The following CTNNA3 variants were observed in gnomAD, a reference collection of about 807,000 sequenced individuals.
The protein encoded by CTNNA3 is catenin alpha-3.
Under a neutral mutation model 95.7 loss-of-function variants are expected in CTNNA3, and 76 were observed. That is an observed-to-expected ratio of 0.79 (90% CI 0.66 to 0.96). The LOEUF (loss-of-function observed/expected upper bound fraction) is 0.96. Ranked by LOEUF, CTNNA3 falls within the 40% of genes least tolerant of loss-of-function variation. The pLI, the probability that CTNNA3 is intolerant of heterozygous loss-of-function variation, is 0.00. For synonymous variants in CTNNA3, 431 were observed against 374.4 expected (o/e 1.15, Z -1.74); for missense variants, 1,191 against 1,089.8 (o/e 1.09, Z -1.31).
At chr10:66,532,417 G>C (rs10997221) in intron 10 of CTNNA3, among the ~76,000 whole-genome samples, 21 of 151,386 alleles carry the variant, frequency 1.4e-4, no homozygotes, top group South Asian at 1.3e-3. Flanking sequence ...AGCTGAGATC[G>C]CGCCACTGTA....
At chr10:67,180,636 G>GT (rs1862492622) in intron 6 of CTNNA3, 116 bp from the exon 7 acceptor site, 1 of 788,180 alleles carries the variant, frequency 1.3e-6, no homozygotes. Context: ...AGAGAACTGT[G>GT]TTTTACTGCC....
chr10:66,243,996 C>T (rs1480501557), intron 13 of CTNNA3, among the ~76,000 whole-genome samples: 2 of 152,064 alleles, frequency 1.3e-5, no homozygotes, highest in African/African-American at 4.8e-5. Flanking sequence ...TCTGGACCTG[C>T]CCTGGACCAG....
At chr10:67,092,243 C>T (rs1410820187) in intron 7 of CTNNA3, among the ~76,000 whole-genome samples, 1 of 151,742 alleles carries the variant, frequency 6.6e-6, no homozygotes, top group Non-Finnish European at 1.5e-5. Flanking sequence ...TTCAGCCTTA[C>T]AAAAATGGGA....
At chr10:67,253,957 C>G (rs1244788722) in intron 5 of CTNNA3, among the ~76,000 whole-genome samples, 1 of 152,140 alleles carries the variant, frequency 6.6e-6, no homozygotes, top group Non-Finnish European at 1.5e-5. Flanking sequence ...TGTGTGTCCA[C>G]TATATAAACG....
intron 3 of CTNNA3, among the ~76,000 whole-genome samples, chr10:67,556,916 A>G (rs1589421893): frequency 6.6e-6 from 1 of 152,164 alleles, no homozygotes; most frequent in African/African-American, 2.4e-5. Context: ...CCCCCTACAC[A>G]CTGCTTTAAA....
Position 67,605,155 on chromosome 10 carries a change from T to A in CTNNA3, c.292+1702A>T, listed in dbSNP as rs1390226196. 3.9e-5 allele frequency among the ~76,000 whole-genome samples: 6 copies of A among 152,202 alleles called. No individual in the cohort carries two copies. In the South Asian group the frequency reaches 8.3e-4, roughly 21 times the overall value. On this transcript the variant is annotated intron_variant, in intron 3 of 17. Transcript: ENST00000433211. ...AACAACCTAAGCATCCATCAACAGA[T>A]GAATCGATAAAGAAATTGGTCTATA...
At chr10:66,517,326 C>G (rs1840897447) in intron 11 of CTNNA3, among the ~76,000 whole-genome samples, 1 of 152,118 alleles carries the variant, frequency 6.6e-6, no homozygotes, top group Non-Finnish European at 1.5e-5. Context: ...TTGAAACCTA[C>G]TGGGCTGCAT....
intron 2 of CTNNA3, among the ~76,000 whole-genome samples, chr10:67,625,703 A>T (rs1838927040): frequency 6.6e-6 from 1 of 152,170 alleles, no homozygotes; most frequent in African/African-American, 2.4e-5. Context: ...AAGGAAACTT[A>T]AAATCCTGTA....
chr10:66,809,668 G>A (rs773128967), intron 7 of CTNNA3, among the ~76,000 whole-genome samples: 33 of 152,110 alleles, frequency 2.2e-4, no homozygotes, highest in Non-Finnish European at 4.4e-4. Flanking sequence ...CTTGATTTGT[G>A]TCTTATATTA....
intron 6 of CTNNA3, among the ~76,000 whole-genome samples, chr10:67,214,146 A>C: frequency 6.6e-6 from 1 of 151,522 alleles, no homozygotes; most frequent in East Asian, 1.9e-4. Flanking sequence ...GATTATTTGG[A>C]TTTATTTTAT....
chr10:66,027,191 T>A (rs576295517), intron 15 of CTNNA3, among the ~76,000 whole-genome samples: 1 of 152,210 alleles, frequency 6.6e-6, no homozygotes, highest in Admixed American at 6.5e-5. Context: ...TTACTTATGT[T>A]CTTGCAGTTT....
At chr10:67,735,140 C>CACACAA (rs199680761) in intron 1 of CTNNA3, among the ~76,000 whole-genome samples, 2 of 115,160 alleles carry the variant, frequency 1.7e-5, no homozygotes, top group Non-Finnish European at 1.8e-5. Context: ...CACACACACA[C>CACACAA]ACACAAACAC....
Position 67,201,469 on chromosome 10 carries a change from T to A in CTNNA3, c.843+18138A>T, listed in dbSNP as rs538866669. Among the ~76,000 whole-genome samples the A allele has an allele frequency of 2.0e-3, 301 of 152,162 alleles. 1 individual carries two copies. The highest frequency in any genetic ancestry group is 6.8e-3 in the African/African-American group (283 of 41,514). The stretch of plus-strand genomic sequence containing the variant: ...TGTCTATTCTTTTTTTTTTATTATT[T>A]TTTTATTATTATACTTTAAGTTTTA... On this transcript the variant is annotated intron_variant, in intron 6 of 17. Coordinates refer to ENST00000433211, the MANE Select transcript of CTNNA3 (RefSeq NM_013266.4).
chr10:66,487,287 C>T (rs372716612), intron 11 of CTNNA3, among the ~76,000 whole-genome samples: 1 of 148,082 alleles, frequency 6.8e-6, no homozygotes, highest in African/African-American at 2.5e-5. Context: ...CTGCAAGCTC[C>T]GCCTCCCGGG....
At chr10:67,246,366 C>A (rs890231162) in intron 5 of CTNNA3, among the ~76,000 whole-genome samples, 1 of 152,144 alleles carries the variant, frequency 6.6e-6, no homozygotes, top group Non-Finnish European at 1.5e-5. Flanking sequence ...ACTAAATACT[C>A]TTTTTTTCCT....
chr10:66,340,465 C>G (rs1224916427), intron 12 of CTNNA3, among the ~76,000 whole-genome samples: 1 of 151,708 alleles, frequency 6.6e-6, no homozygotes, highest in East Asian at 1.9e-4. Context: ...CTCCACTAGA[C>G]AGATAGTATA....
In CTNNA3 at chr10:66,860,518, T is replaced by C. The variant is rs115987192; in HGVS notation, c.1048-84994A>G. Reference sequence around the variant, plus strand: ...ACAGTCGGCAGAAGTAATGGGGGTATTAAAATGCTAGCAGCAGTCTCCCTC... The same window carrying C: ...ACAGTCGGCAGAAGTAATGGGGGTACTAAAATGCTAGCAGCAGTCTCCCTC... On this transcript the variant is annotated intron_variant, in intron 7 of 17. Transcript: ENST00000433211. 6.1e-3 allele frequency among the ~76,000 whole-genome samples: 930 copies of C among 152,260 alleles called. 11 individuals carry two copies. The highest frequency in any genetic ancestry group is 0.021 in the African/African-American group (870 of 41,564).
At chr10:67,133,205 T>C (rs968881903) in intron 7 of CTNNA3, among the ~76,000 whole-genome samples, 6 of 149,922 alleles carry the variant, frequency 4.0e-5, no homozygotes, top group Non-Finnish European at 8.9e-5. Context: ...AAACATTGTA[T>C]GTCAATAAAA....
intron 10 of CTNNA3, among the ~76,000 whole-genome samples, chr10:66,560,437 G>A (rs796695329): frequency 3.3e-5 from 5 of 151,970 alleles, no homozygotes; most frequent in African/African-American, 7.2e-5. Flanking sequence ...AAAGCTAAAC[G>A]AGTAAGAAAA....
Sources: gnomAD v4.1 joint callset for allele counts (sites outside exome capture counted in the v4.1 genomes callset) on GRCh38, gnomAD v4.1.1 for gene constraint, MANE v1.5 for transcripts, NCBI Gene and HGNC (gene_info 2026-07-23, HGNC 2026-07-21) for gene names.